CDK8: variants seen among roughly 807,000 people sequenced by gnomAD.
The protein encoded by CDK8 is cyclin-dependent kinase 8.
CDK8 carries 29 observed loss-of-function variants against 71.5 expected under a neutral mutation model. That is an observed-to-expected ratio of 0.41 (90% CI 0.30 to 0.55). CDK8 has a LOEUF of 0.55. CDK8 is among the 20% of genes least tolerant of loss of function. The pLI, the probability that CDK8 is intolerant of heterozygous loss-of-function variation, is 0.37. For missense variants in CDK8, 288 were observed against 572.6 expected, an observed-to-expected ratio of 0.50 and a Z score of 5.07; for synonymous variants, 161 against 192.1, an observed-to-expected ratio of 0.84 and a Z score of 1.34.
At chr13:26,294,305 A>G (rs1047265439) in intron 1 of CDK8, among the ~76,000 whole-genome samples, 6 of 151,974 alleles carry the variant, frequency 3.9e-5, no homozygotes, top group East Asian at 1.9e-4. Flanking sequence ...TCTACACACT[A>G]TATTTTCTTT....
chr13:26,266,706 TG>T (rs762833417), intron 1 of CDK8, among the ~76,000 whole-genome samples: 14 of 152,222 alleles, frequency 9.2e-5, no homozygotes, highest in Non-Finnish European at 1.8e-4. Context: ...TCAGTGTTTT[TG>T]GTACTTTGAT....
Position 26,283,766 on chromosome 13 carries a change from C to T in CDK8, c.128+28997C>T, listed in dbSNP as rs537602062. 8.2e-4 allele frequency among the ~76,000 whole-genome samples: 124 copies of T among 152,066 alleles called. 1 individual carries two copies. Among genetic ancestry groups the T allele is most frequent in the African/African-American group, 2.7e-3 (112 of 41,472 alleles). On this transcript the variant is annotated intron_variant, in intron 1 of 12. Transcript: ENST00000381527. ...ACAAAAAATTAGCCAGCCGTGGTGG[C>T]GTGCGCCTATAGTCCCAGCTACTCG... is the stretch of plus-strand genomic sequence containing the variant.
At chr13:26,272,023 A>G (rs1363839704) in intron 1 of CDK8, among the ~76,000 whole-genome samples, 3 of 151,100 alleles carry the variant, frequency 2.0e-5, no homozygotes, top group Non-Finnish European at 4.4e-5. Context: ...ATTTATTTAA[A>G]TTTTTTTCTT....
intron 1 of CDK8, among the ~76,000 whole-genome samples, chr13:26,325,965 C>T (rs528680321): frequency 7.4e-4 from 113 of 152,112 alleles, no homozygotes; most frequent in Non-Finnish European, 1.4e-3. Flanking sequence ...GTTGAGTCAT[C>T]TGAACGAAAA....
At chr13:26,393,664 G>C (rs1875856835) in intron 7 of CDK8, among the ~76,000 whole-genome samples, 154 bp downstream of exon 7, 1 of 152,132 alleles carries the variant, frequency 6.6e-6, no homozygotes, top group Non-Finnish European at 1.5e-5. Flanking sequence ...CGTAGAAACA[G>C]CAAAATTTGT....
intron 4 of CDK8, among the ~76,000 whole-genome samples, chr13:26,374,851 C>T (rs1391835025): frequency 6.6e-6 from 1 of 151,950 alleles, no homozygotes; most frequent in Non-Finnish European, 1.5e-5. Context: ...ATGTTGAATT[C>T]GCAAAATCTG....
At chr13:26,265,699 T>C (rs1871989956) in intron 1 of CDK8, among the ~76,000 whole-genome samples, 1 of 152,142 alleles carries the variant, frequency 6.6e-6, no homozygotes, top group East Asian at 1.9e-4. Context: ...AGATGGTATG[T>C]ACGGTGAGAC....
At position 26,384,899 on chromosome 13, in the gene CDK8, T is replaced by C. The variant is rs370588734; in HGVS notation, c.515-312T>C. 7.6e-4 allele frequency among the ~76,000 whole-genome samples: 115 copies of C among 152,272 alleles called. 1 individual carries two copies. The South Asian group carries it at 0.023, about 31-fold the overall frequency. On this transcript the variant is annotated intron_variant, in intron 5 of 12. Coordinates refer to ENST00000381527, the MANE Select transcript of CDK8 (RefSeq NM_001260.3). ...CCAGTACTAAGAATGGAAATGCAGC[T>C]CAACAACCCTGTCCCTAACGGTGGG...
At chr13:26,330,666 A>G (rs994196640) in intron 1 of CDK8, among the ~76,000 whole-genome samples, 2 of 152,130 alleles carry the variant, frequency 1.3e-5, no homozygotes, top group Non-Finnish European at 2.9e-5. Flanking sequence ...GTTAAGTGAG[A>G]ACGTGCAATA....
chr13:26,368,064 C>T (rs17083934), intron 4 of CDK8, among the ~76,000 whole-genome samples: 9,005 of 152,160 alleles, frequency 0.059, 891 homozygotes, highest in African/African-American at 0.2. Flanking sequence ...TTTGGATTGC[C>T]CAGATGGTCA....
At chr13:26,296,149 T>C (rs1322103825) in intron 1 of CDK8, among the ~76,000 whole-genome samples, 2 of 152,232 alleles carry the variant, frequency 1.3e-5, no homozygotes, top group African/African-American at 4.8e-5. Flanking sequence ...TGTAGCGTTA[T>C]TGTCAACATC....
chr13:26,346,680 C>T (rs781591885), intron 2 of CDK8, among the ~76,000 whole-genome samples: 6 of 152,058 alleles, frequency 3.9e-5, no homozygotes, highest in Non-Finnish European at 7.4e-5. Context: ...TAGATATTAG[C>T]GTTTAGGTTT....
intron 1 of CDK8, among the ~76,000 whole-genome samples, chr13:26,297,917 G>T (rs1246029419): frequency 2.0e-5 from 3 of 152,088 alleles, no homozygotes; most frequent in Non-Finnish European, 4.4e-5. Flanking sequence ...AGGGTTATAG[G>T]GTGCTGTCCT....
intron 4 of CDK8, chr13:26,358,950 C>T: frequency 4.6e-6 from 1 of 215,498 alleles, no homozygotes; most frequent in Non-Finnish European, 9.8e-6. Context: ...TCACTTGAGT[C>T]CAGGAGTTTG....
intron 1 of CDK8, among the ~76,000 whole-genome samples, chr13:26,255,644 G>T (rs9581599): frequency 0.11 from 16,465 of 152,110 alleles, 2,640 homozygotes; most frequent in African/African-American, 0.35. Context: ...TAGTTGGGGG[G>T]AAAATATATT....
intron 1 of CDK8, among the ~76,000 whole-genome samples, chr13:26,303,987 A>G (rs1450436704): frequency 6.6e-6 from 1 of 151,970 alleles, no homozygotes; most frequent in Non-Finnish European, 1.5e-5. Flanking sequence ...TTTATTGGCC[A>G]GGCTCGGTGG....
Position 26,333,584 on chromosome 13 carries a change from T to C in CDK8, c.129-3983T>C, listed in dbSNP as rs536103386. Among the ~76,000 whole-genome samples the C allele has an allele frequency of 2.0e-5, 3 of 152,374 alleles. No homozygotes were observed. The East Asian group carries it at 5.8e-4, about 29-fold the overall frequency. On this transcript the variant is annotated intron_variant, in intron 1 of 12. Transcript: ENST00000381527. ...GGAGTGGCAGAGATAGTGACACTTT[T>C]GCTTTCTGATGGTTCATTGTACACA...
chr13:26,254,165 G>T lies in CDK8; in HGVS notation c.-477G>T. 1 of 233,012 alleles carries T rather than the reference G, an allele frequency of 4.3e-6. No homozygotes were observed. The highest frequency in any genetic ancestry group is 6.1e-5 in the East Asian group (1 of 16,480). The allele number at this position is 233,012 out of a possible 1,614,324, so 14.4% of individuals were successfully genotyped here. A position where few individuals can be genotyped will look rare whatever the true frequency, so the allele number is the denominator to read the frequency against. On this transcript the variant is annotated 5_prime_UTR_variant, in exon 1 of 13. Transcript: ENST00000381527. The surrounding 1 kb of genome is among the most constrained non-coding windows in gnomAD (Gnocchi z 6.7). The stretch of plus-strand genomic sequence containing the variant: ...GGCTGTTGTGCGGCTCTGCCCTTCT[G>T]TTTGAGTGTATGGGAGAGTGAGTGA...
chr13:26,366,368 C>G (rs773631553), intron 4 of CDK8, among the ~76,000 whole-genome samples: 7 of 152,004 alleles, frequency 4.6e-5, no homozygotes, highest in Non-Finnish European at 5.9e-5. Flanking sequence ...TTGTTTGAAT[C>G]AACATACAAT....
Sources: gnomAD v4.1 joint callset for allele counts (sites outside exome capture counted in the v4.1 genomes callset) on GRCh38, gnomAD v4.1.1 for gene constraint, Gnocchi (gnomAD v3.1) non-coding constraint, MANE v1.5 for transcripts, NCBI Gene and HGNC (gene_info 2026-07-23, HGNC 2026-07-21) for gene names.